Variants in CBL observed in about 807,000 individuals in gnomAD.
The protein encoded by CBL is Cbl proto-oncogene, also known as E3 ubiquitin-protein ligase CBL.
A neutral mutation model predicts 96.9 loss-of-function variants in CBL; 45 were observed. The observed-to-expected ratio is 0.46, with a 90% CI of 0.37 to 0.60. The LOEUF (loss-of-function observed/expected upper bound fraction) is 0.60, where lower values mean the gene tolerates loss of function less well. CBL is among the 20% of genes least tolerant of loss of function. The probability of loss-of-function intolerance (pLI) is 0.00; values close to 1 mark genes in which losing one functional copy is unlikely to be tolerated. For synonymous variants in CBL, 420 were observed against 426.8 expected (o/e 0.98, Z 0.20); for missense variants, 1,024 against 1,143.5 (o/e 0.90, Z 1.51).
At chr11:119,249,827 A>AT (rs925366292) in intron 2 of CBL, among the ~76,000 whole-genome samples, 10 of 151,556 alleles carry the variant, frequency 6.6e-5, no homozygotes, top group African/African-American at 2.2e-4. Flanking sequence ...AGACTAACTT[A>AT]TTTTTTTGTA....
chr11:119,274,885 C>G lies in CBL; in HGVS notation c.801C>G (p.Gly267=), dbSNP rs727502913. ...ACAGCCTTGCTGTAACTCATCCTGG[C>G]TACATGGCTTTTTTGACGTATGACG... ...NWNSLAVTHP[G]YMAFLTYDEV... The change falls in exon 5 of 16, where the codon GGC becomes GGG. Residue 267 remains glycine, a synonymous_variant. Transcript: ENST00000264033. 29 of 1,613,804 alleles carry G rather than the reference C, an allele frequency of 1.8e-5. No individual in the cohort carries two copies. The highest frequency in any genetic ancestry group is 3.3e-5 in the Admixed American group (2 of 59,998).
intron 2 of CBL, among the ~76,000 whole-genome samples, chr11:119,256,594 G>A (rs546511579): frequency 1.3e-5 from 2 of 151,440 alleles, no homozygotes; most frequent in South Asian, 4.2e-4. Context: ...ATACAGGTGG[G>A]TTTTGATTAT....
At chr11:119,296,804 A>G (rs1950065025) in intron 12 of CBL, 114 bp from the exon 13 acceptor site, 8 of 696,078 alleles carry the variant, frequency 1.1e-5, no homozygotes, top group Non-Finnish European at 1.8e-5. Flanking sequence ...CCTAGGTGAC[A>G]TGTATTTTGC....
intron 1 of CBL, among the ~76,000 whole-genome samples, chr11:119,219,857 T>C (rs1036614726): frequency 2.2e-4 from 33 of 150,646 alleles, no homozygotes; most frequent in Non-Finnish European, 4.4e-4. Context: ...CTATTTTTTT[T>C]TTTTTTTTTT....
chr11:119,274,524 C>G (rs1949873632), intron 4 of CBL, among the ~76,000 whole-genome samples: 1 of 152,182 alleles, frequency 6.6e-6, no homozygotes, highest in Non-Finnish European at 1.5e-5. Context: ...ATTAGTTGCA[C>G]CTATAGGCCC....
At chr11:119,233,586 A>G (rs936418664) in intron 2 of CBL, among the ~76,000 whole-genome samples, 1 of 152,238 alleles carries the variant, frequency 6.6e-6, no homozygotes, top group Non-Finnish European at 1.5e-5. Context: ...GCATATTGTT[A>G]GCTTAGCTGT....
chr11:119,264,388 T>TCTCTTCTCTTCTCTTCTCTTCTCTTCTC (rs1949780004), intron 2 of CBL, among the ~76,000 whole-genome samples: 5 of 133,848 alleles, frequency 3.7e-5, no homozygotes, highest in African/African-American at 1.5e-4. Flanking sequence ...TTTCTTTTCT[T>TCTCTTCTCTTCTCTTCTCTTCTCTTCTC]TTCTCTTCTC....
chr11:119,276,158 TGTTAGA>T, intron 6 of CBL, 24 bp downstream of exon 6: 1 of 1,613,628 alleles, frequency 6.2e-7, no homozygotes, highest in Non-Finnish European at 8.5e-7. Flanking sequence ...GCATACCATC[TGTTAGA>T]GTCTGGGAAC....
chr11:119,232,459 G>A lies in CBL; in HGVS notation c.207G>A (p.Leu69=). ...TTCATTTGTTGCAGGTGGTGCGGTT[G>A]TGTCAGAACCCAAAGCTGGCGCTAA... ...CWKLMDKVVR[L]CQNPKLALKN... Residue 69 remains leucine, a synonymous_variant, in exon 2 of 16, where the codon TTG becomes TTA. Coordinates refer to ENST00000264033, the MANE Select transcript of CBL (RefSeq NM_005188.4). 1.9e-6 allele frequency: 3 copies of A among 1,613,804 alleles called. No homozygotes were observed. Among genetic ancestry groups the A allele is most frequent in the Non-Finnish European group, 2.5e-6 (3 of 1,180,014 alleles).
At chr11:119,279,518 G>A (rs1204416190) in intron 9 of CBL, among the ~76,000 whole-genome samples, 1 of 151,794 alleles carries the variant, frequency 6.6e-6, no homozygotes, top group Non-Finnish European at 1.5e-5. Flanking sequence ...TGGGCATGAT[G>A]GTGTACGCCT....
At chr11:119,290,368 T>C (rs1263228306) in intron 12 of CBL, among the ~76,000 whole-genome samples, 1 of 151,240 alleles carries the variant, frequency 6.6e-6, no homozygotes, top group Non-Finnish European at 1.5e-5. Context: ...TTTAAAAAGA[T>C]ACTTGGCTGG....
chr11:119,276,213 C>T, intron 6 of CBL, 79 bp downstream of exon 6: 3 of 1,423,436 alleles, frequency 2.1e-6, no homozygotes, highest in Non-Finnish European at 3.0e-6. Flanking sequence ...GACTTTATTC[C>T]AGGTTTCTTA....
rs199517263 is a variant in CBL at position 119,274,032 on chromosome 11, A to G, written c.747+8A>G. 13 of 1,611,416 alleles carry G rather than the reference A, an allele frequency of 8.1e-6. No homozygotes were observed. In the East Asian group the frequency reaches 1.6e-4, roughly 19 times the overall value. ...TTTACCCGACTCTTTCAGGTAGGAC[A>G]CTAAAAAAGTTGACTAAACTGGTTA... On this transcript the variant is annotated splice_region_variant and intron_variant, in intron 4 of 15. Coordinates refer to ENST00000264033, the MANE Select transcript of CBL (RefSeq NM_005188.4).
At chr11:119,289,504 T>C (rs964375200) in intron 12 of CBL, 102 of 152,128 alleles carry the variant, frequency 6.7e-4, no homozygotes, top group African/African-American at 2.3e-3. Flanking sequence ...CACCTGTCTT[T>C]TAGTATTTGC....
chr11:119,296,482 T>C (rs189528569), intron 12 of CBL, among the ~76,000 whole-genome samples: 126 of 152,318 alleles, frequency 8.3e-4, no homozygotes, highest in African/African-American at 2.8e-3. Flanking sequence ...ATTTTTCTTA[T>C]ATAAAACAAG....
intron 2 of CBL, among the ~76,000 whole-genome samples, chr11:119,264,687 G>A (rs1022742871): frequency 6.6e-6 from 1 of 151,492 alleles, no homozygotes; most frequent in African/African-American, 2.4e-5. Context: ...TCACCATGTT[G>A]CCCAGGCTGG....
intron 1 of CBL, among the ~76,000 whole-genome samples, chr11:119,211,099 C>T (rs1370166202): frequency 2.0e-5 from 3 of 152,096 alleles, no homozygotes; most frequent in Non-Finnish European, 2.9e-5. Flanking sequence ...AGGCTGGGCG[C>T]GGTGGCTCAT....
chr11:119,269,831 T>TA (rs1265727653), intron 2 of CBL, among the ~76,000 whole-genome samples: 3 of 151,856 alleles, frequency 2.0e-5, no homozygotes, highest in Non-Finnish European at 4.4e-5. Context: ...CCATCTCTGC[T>TA]AAAAATAACA....
intron 9 of CBL, among the ~76,000 whole-genome samples, chr11:119,284,286 G>A (rs1949963592): frequency 6.6e-6 from 1 of 151,460 alleles, no homozygotes; most frequent in Non-Finnish European, 1.5e-5. Flanking sequence ...TGCACCCCCC[G>A]CCCCACTGCC....
Sources: gnomAD v4.1 joint callset for allele counts (sites outside exome capture counted in the v4.1 genomes callset) on GRCh38, gnomAD v4.1.1 for gene constraint, MANE v1.5 for transcripts, NCBI Gene and HGNC (gene_info 2026-07-23, HGNC 2026-07-21) for gene names.